Variants in SLC4A4 observed in about 807,000 individuals in gnomAD.
SLC4A4 encodes the protein electrogenic sodium bicarbonate cotransporter 1.
Under a neutral mutation model 111.5 loss-of-function variants are expected in SLC4A4, and 27 were observed. The ratio of observed to expected loss-of-function variants is 0.24; its 90% CI spans 0.18 to 0.33. The LOEUF is 0.33. Ranked by LOEUF, SLC4A4 falls within the 10% of genes least tolerant of loss-of-function variation. SLC4A4 has a pLI of 1.00. For missense variants in SLC4A4, 909 were observed against 1,315.5 expected, an observed-to-expected ratio of 0.69 and a Z score of 4.78; for synonymous variants, 443 against 463.4, an observed-to-expected ratio of 0.96 and a Z score of 0.57.
At chr4:71,192,683 CTTCT>C (rs1278681676) in intron 1 of SLC4A4, among the ~76,000 whole-genome samples, 1 of 152,114 alleles carries the variant, frequency 6.6e-6, no homozygotes, top group African/African-American at 2.4e-5. Context: ...TCCCCTCTTC[CTTCT>C]GTTAAGTTTT....
intron 2 of SLC4A4, among the ~76,000 whole-genome samples, chr4:71,098,242 T>G (rs772929846): frequency 6.6e-6 from 1 of 152,234 alleles, no homozygotes; most frequent in East Asian, 1.9e-4. Flanking sequence ...CTTCTACATA[T>G]GGCTAGCCAG....
intron 3 of SLC4A4, among the ~76,000 whole-genome samples, chr4:71,286,311 A>T (rs1268130490): frequency 6.6e-6 from 1 of 152,228 alleles, no homozygotes; most frequent in East Asian, 1.9e-4. Context: ...GGAGCCTGGA[A>T]GTGTTTTCTA....
chr4:71,516,858 G>A (rs1032159514), intron 16 of SLC4A4, among the ~76,000 whole-genome samples: 4 of 152,102 alleles, frequency 2.6e-5, no homozygotes, highest in Non-Finnish European at 5.9e-5. Flanking sequence ...TCTGGAAAGA[G>A]TAGGTGTCTG....
intron 1 of SLC4A4, among the ~76,000 whole-genome samples, chr4:71,219,789 A>AGGG (rs3039035): frequency 0.95 from 144,261 of 152,128 alleles, 68,688 homozygotes; most frequent in East Asian, 0.99. Context: ...GGTGATTTTG[A>AGGG]TTCATTACTT....
intron 18 of SLC4A4, among the ~76,000 whole-genome samples, chr4:71,543,092 G>A (rs1208174991): frequency 6.6e-6 from 1 of 152,038 alleles, no homozygotes; most frequent in Non-Finnish European, 1.5e-5. Flanking sequence ...AGAAGGAGAT[G>A]GTATGTTGAG....
rs74638542 is a variant in SLC4A4, at chr4:71,507,855, T to G, written c.2166+10163T>G. ...CACATAATCGGAAGTTAAACACTCT[T>G]CAGCAGATGCAAAAGAACTGAAATC... On this transcript the variant is annotated intron_variant, in intron 16 of 25. Coordinates refer to ENST00000264485, the MANE Select transcript of SLC4A4 (RefSeq NM_001098484.3). Among the ~76,000 whole-genome samples the G allele has an allele frequency of 9.0e-3, 1,377 of 152,266 alleles. 21 individuals carry two copies. Among genetic ancestry groups the G allele is most frequent in the African/African-American group, 0.03 (1,261 of 41,538 alleles).
At chr4:71,206,714 T>A (rs1717789804) in intron 1 of SLC4A4, among the ~76,000 whole-genome samples, 1 of 152,090 alleles carries the variant, frequency 6.6e-6, no homozygotes, top group South Asian at 2.1e-4. Context: ...GCTGAATATA[T>A]GGGTTGAAAT....
At chr4:71,251,146 C>A (rs1393928201) in intron 2 of SLC4A4, among the ~76,000 whole-genome samples, 3 of 152,196 alleles carry the variant, frequency 2.0e-5, no homozygotes, top group Non-Finnish European at 2.9e-5. Flanking sequence ...TGTAGTTTGG[C>A]TGATCTAAAA....
intron 2 of SLC4A4, among the ~76,000 whole-genome samples, chr4:71,246,757 A>G (rs1175375484): frequency 1.3e-5 from 2 of 151,824 alleles, no homozygotes; most frequent in South Asian, 2.1e-4. Context: ...TTTTTTCCAG[A>G]CAGTGGAGGA....
At chr4:71,121,289 C>T (rs535314338) in intron 2 of SLC4A4, among the ~76,000 whole-genome samples, 22 of 152,124 alleles carry the variant, frequency 1.4e-4, no homozygotes, top group African/African-American at 4.3e-4. Context: ...TGCTCCGTGG[C>T]GCCCGGTCTC....
chr4:71,495,813 A>G (rs1730349176), intron 15 of SLC4A4, among the ~76,000 whole-genome samples: 1 of 152,084 alleles, frequency 6.6e-6, no homozygotes, highest in Non-Finnish European at 1.5e-5. Context: ...AGCATATGAC[A>G]TATCCATTAG....
At chr4:71,075,039 T>TCTAG (rs1305947859) in intron 1 of SLC4A4, among the ~76,000 whole-genome samples, 1 of 152,208 alleles carries the variant, frequency 6.6e-6, no homozygotes, top group East Asian at 1.9e-4. Flanking sequence ...ATTGGGGATC[T>TCTAG]CTAGCTCAGA....
At chr4:71,286,108 CG>C (rs1375366968) in intron 3 of SLC4A4, among the ~76,000 whole-genome samples, 1 of 152,088 alleles carries the variant, frequency 6.6e-6, no homozygotes, top group African/African-American at 2.4e-5. Flanking sequence ...GGCATGGTGG[CG>C]GGCGCCTATA....
chr4:71,444,360 A>G (rs1725036176), intron 8 of SLC4A4, among the ~76,000 whole-genome samples: 1 of 152,196 alleles, frequency 6.6e-6, no homozygotes, highest in Non-Finnish European at 1.5e-5. Context: ...AAAGTAGAAA[A>G]GGGCCTCATG....
chr4:71,539,496 C>T (rs919459083), intron 18 of SLC4A4, among the ~76,000 whole-genome samples: 8 of 152,084 alleles, frequency 5.3e-5, no homozygotes, highest in Non-Finnish European at 7.4e-5. Context: ...TTTCCTTAAG[C>T]GTGACAGTTT....
At chr4:71,154,790 G>A (rs989228039) in intron 2 of SLC4A4, among the ~76,000 whole-genome samples, 1 of 151,882 alleles carries the variant, frequency 6.6e-6, no homozygotes, top group Non-Finnish European at 1.5e-5. Context: ...TGCCAATTAA[G>A]GAAAGATGAT....
At chr4:71,466,319 A>G in intron 12 of SLC4A4, 125 bp from the exon 13 acceptor site, 1 of 1,052,650 alleles carries the variant, frequency 9.5e-7, no homozygotes. Flanking sequence ...TTTGTTCTTC[A>G]TTCTTGATAT....
chr4:71,380,129 G>A (rs1237908747), intron 6 of SLC4A4, among the ~76,000 whole-genome samples: 1 of 152,194 alleles, frequency 6.6e-6, no homozygotes, highest in Admixed American at 6.5e-5. Flanking sequence ...CATGAGGGAA[G>A]CTCTGCTGCT....
chr4:71,495,525 GAAGCTTCTAT>G (rs1730321635), intron 15 of SLC4A4, among the ~76,000 whole-genome samples: 1 of 152,040 alleles, frequency 6.6e-6, no homozygotes, highest in African/African-American at 2.4e-5. Context: ...TTTACAAGTT[GAAGCTTCTAT>G]AGGAAAAATA....
Sources: gnomAD v4.1 joint callset for allele counts (sites outside exome capture counted in the v4.1 genomes callset) on GRCh38, gnomAD v4.1.1 for gene constraint, MANE v1.5 for transcripts, NCBI Gene and HGNC (gene_info 2026-07-23, HGNC 2026-07-21) for gene names.